FARS2: variants seen among roughly 807,000 people sequenced by gnomAD.
FARS2 encodes the protein phenylalanine--tRNA ligase, mitochondrial.
Under a neutral mutation model 46.4 loss-of-function variants are expected in FARS2, and 40 were observed. The ratio of observed to expected loss-of-function variants is 0.86; its 90% confidence interval spans 0.67 to 1.12. The LOEUF (loss-of-function observed/expected upper bound fraction) is 1.12. FARS2 is among the 50% of genes most tolerant of loss of function. The pLI is 0.00. For synonymous variants in FARS2, 234 were observed against 214.9 expected (o/e 1.09, Z -0.78); for missense variants, 513 against 567.9 (o/e 0.90, Z 0.98).
chr6:5,260,048 T>A (rs1764924157), upstream of FARS2, among the ~76,000 whole-genome samples: 2 of 152,182 alleles, frequency 1.3e-5, no homozygotes, highest in African/African-American at 4.8e-5. Flanking sequence ...GTAAGCGGGA[T>A]CTCTGTCTGG....
intron 4 of FARS2, among the ~76,000 whole-genome samples, chr6:5,477,030 T>A (rs1467540468): frequency 6.6e-6 from 1 of 152,220 alleles, no homozygotes; most frequent in African/African-American, 2.4e-5. Flanking sequence ...CCTCTTTCTT[T>A]ATAAAGATAA....
At chr6:5,444,140 C>T (rs1000478780) in intron 4 of FARS2, among the ~76,000 whole-genome samples, 4 of 144,800 alleles carry the variant, frequency 2.8e-5, no homozygotes, top group Non-Finnish European at 4.5e-5. Flanking sequence ...TGTGCATGCA[C>T]GCACGTGCAT....
intron 6 of FARS2, among the ~76,000 whole-genome samples, chr6:5,714,377 G>A (rs929632819): frequency 8.3e-4 from 127 of 152,248 alleles, no homozygotes; most frequent in African/African-American, 2.9e-3. Context: ...GACAATCCAT[G>A]GGATTTATTA....
intron 6 of FARS2, among the ~76,000 whole-genome samples, chr6:5,679,926 C>T (rs878988): frequency 0.4 from 59,960 of 150,396 alleles, 12,586 homozygotes; most frequent in East Asian, 0.68. Context: ...TTTTACTTCC[C>T]GGTTCCTGAG....
chr6:5,643,857 G>A (rs578008258), intron 6 of FARS2, among the ~76,000 whole-genome samples: 9 of 152,334 alleles, frequency 5.9e-5, no homozygotes, highest in Non-Finnish European at 7.3e-5. Context: ...AACTCGAGGA[G>A]GGGCTAGGGT....
rs147452895 is a variant in FARS2, at chr6:5,764,079, G to A, written c.1218-7212G>A. Among the ~76,000 whole-genome samples, 2 of 152,236 alleles carry A rather than the reference G, an allele frequency of 1.3e-5. No individual in the cohort carries two copies. Among genetic ancestry groups the A allele is most frequent in the Non-Finnish European group, 2.9e-5 (2 of 68,012 alleles). The stretch of plus-strand genomic sequence containing the variant: ...GAAGATGGGGCGGATGCGTAGGTAT[G>A]GAGCGCCTACTCTGGGTGGCTGGCT... On this transcript the variant is annotated intron_variant, in intron 6 of 6. Transcript: ENST00000274680. This position sits in a 1 kb window ranked among gnomAD's most constrained non-coding sequence, Gnocchi z 4.1.
rs888706676 is a variant in FARS2, at chr6:5,700,266, A to G, written c.1218-71025A>G. Among the ~76,000 whole-genome samples the G allele has an allele frequency of 6.6e-5, 10 of 152,224 alleles. No individual in the cohort carries two copies. The South Asian group carries it at 1.2e-3, about 19-fold the overall frequency. On this transcript the variant is annotated intron_variant, in intron 6 of 6. Transcript: ENST00000274680. The stretch of plus-strand genomic sequence containing the variant: ...CCAGATGACAGCTTACTGTGGTACT[A>G]TGTATCTTTTTTTGTTTTAGTCTTA...
Position 5,761,969 on chromosome 6 carries a change from C to CTGTTT in FARS2, c.1218-9310_1218-9306dup, listed in dbSNP as rs1193714732. Among the ~76,000 whole-genome samples the CTGTTT allele has an allele frequency of 2.5e-4, 38 of 152,146 alleles. 1 individual carries two copies. Among genetic ancestry groups the CTGTTT allele is most frequent in the Admixed American group, 1.4e-3 (22 of 15,268 alleles). Reference sequence around the variant, plus strand: ...TGTGTGCACACCAGTGAGCTGTTGTCTGTTTTGTTTTGTTTTTCAATATAA... The same window carrying CTGTTT: ...TGTGTGCACACCAGTGAGCTGTTGTCTGTTTTGTTTTGTTTTGTTTTTCAATATAA... On this transcript the variant is annotated intron_variant, in intron 6 of 6. Coordinates refer to ENST00000274680, the MANE Select transcript of FARS2 (RefSeq NM_006567.5).
intron 5 of FARS2, among the ~76,000 whole-genome samples, chr6:5,558,689 A>G (rs1460316324): frequency 6.6e-6 from 1 of 151,970 alleles, no homozygotes; most frequent in African/African-American, 2.4e-5. Flanking sequence ...GGCACCCGCC[A>G]CCACACCCAG....
chr6:5,625,601 G>A (rs1346167389), intron 6 of FARS2, among the ~76,000 whole-genome samples: 1 of 152,188 alleles, frequency 6.6e-6, no homozygotes, highest in South Asian at 2.1e-4. Context: ...GTTTGGTAGA[G>A]AGACAAGTGG....
intron 4 of FARS2, among the ~76,000 whole-genome samples, chr6:5,443,325 CCTT>C (rs1218723397): frequency 6.6e-6 from 1 of 152,178 alleles, no homozygotes; most frequent in African/African-American, 2.4e-5. Flanking sequence ...GCAAGTGGTT[CCTT>C]CTTTTATCAG....
At chr6:5,576,513 A>G (rs967354143) in intron 5 of FARS2, among the ~76,000 whole-genome samples, 2 of 151,108 alleles carry the variant, frequency 1.3e-5, no homozygotes, top group Admixed American at 1.3e-4. Flanking sequence ...CCTTGTGATC[A>G]TGTGAGTTAA....
At chr6:5,713,700 G>A (rs1167914082) in intron 6 of FARS2, among the ~76,000 whole-genome samples, 1 of 152,242 alleles carries the variant, frequency 6.6e-6, no homozygotes, top group Non-Finnish European at 1.5e-5. Context: ...GCACCGCTAA[G>A]CAGCACCGCA....
intron 4 of FARS2, among the ~76,000 whole-genome samples, chr6:5,442,922 G>A (rs73352433): frequency 0.015 from 2,253 of 152,282 alleles, 68 homozygotes; most frequent in African/African-American, 0.05. Flanking sequence ...CTCTCAAGCT[G>A]TGGTATCTGT....
chr6:5,736,150 G>A (rs532940838), intron 6 of FARS2, among the ~76,000 whole-genome samples: 1 of 152,302 alleles, frequency 6.6e-6, no homozygotes, highest in South Asian at 2.1e-4. Flanking sequence ...GCCAGGAAAG[G>A]CTCGGTTCCT....
At chr6:5,371,535 A>G (rs1018033561) in intron 2 of FARS2, among the ~76,000 whole-genome samples, 1 of 152,206 alleles carries the variant, frequency 6.6e-6, no homozygotes, top group Non-Finnish European at 1.5e-5. Context: ...AATTGTGGAA[A>G]AAAATCTTTT....
At chr6:5,700,019 C>T (rs1246165032) in intron 6 of FARS2, among the ~76,000 whole-genome samples, 1 of 152,110 alleles carries the variant, frequency 6.6e-6, no homozygotes, top group Non-Finnish European at 1.5e-5. Context: ...ACCTCCAGTC[C>T]CCGAACGCTC....
intron 1 of FARS2, among the ~76,000 whole-genome samples, chr6:5,307,866 G>A (rs574709354): frequency 3.3e-5 from 5 of 152,218 alleles, no homozygotes; most frequent in African/African-American, 1.2e-4. Flanking sequence ...CAAGGCTCAT[G>A]ACCTGAGTTG....
intron 5 of FARS2, among the ~76,000 whole-genome samples, chr6:5,591,506 T>C (rs1359648436): frequency 6.6e-6 from 1 of 152,236 alleles, no homozygotes; most frequent in Non-Finnish European, 1.5e-5. Flanking sequence ...GAACGCCTCC[T>C]CGAGATATGG....
Sources: gnomAD v4.1 joint callset for allele counts (sites outside exome capture counted in the v4.1 genomes callset) on GRCh38, gnomAD v4.1.1 for gene constraint, Gnocchi (gnomAD v3.1) non-coding constraint, MANE v1.5 for transcripts, NCBI Gene and HGNC (gene_info 2026-07-23, HGNC 2026-07-21) for gene names.